Variants in CABP1 observed in about 807,000 individuals in gnomAD.
CABP1 encodes calcium binding protein 1.
Under a neutral mutation model 34.3 loss-of-function variants are expected in CABP1, and 17 were observed. That is an observed-to-expected ratio of 0.50 (90% CI 0.34 to 0.74). The LOEUF (loss-of-function observed/expected upper bound fraction) is 0.74, where lower values mean the gene tolerates loss of function less well. Among genes scored for constraint, CABP1 ranks in the 30% least tolerant of loss-of-function variants. CABP1 has a pLI of 0.01. For synonymous variants in CABP1, 198 were observed against 229.2 expected (o/e 0.86, Z 1.23); for missense variants, 373 against 511.1 (o/e 0.73, Z 2.61).
At chr12:120,662,250 A>G (rs1880697083) in intron 5 of CABP1, 1 of 152,264 alleles carries the variant, frequency 6.6e-6, no homozygotes, top group Non-Finnish European at 1.5e-5. Flanking sequence ...CCCAGCCACA[A>G]CTCAACAGTC....
intron 1 of CABP1, among the ~76,000 whole-genome samples, chr12:120,645,658 A>G (rs1879511331): frequency 6.6e-6 from 1 of 152,058 alleles, no homozygotes; most frequent in Admixed American, 6.5e-5. Flanking sequence ...AGTGAGACCC[A>G]TCTCTACTAA....
At chr12:120,642,516 G>T in intron 1 of CABP1, among the ~76,000 whole-genome samples, 1 of 152,232 alleles carries the variant, frequency 6.6e-6, no homozygotes, top group Non-Finnish European at 1.5e-5. Context: ...GTGCTGCTGT[G>T]GTGGGGCCAT....
intron 1 of CABP1, among the ~76,000 whole-genome samples, chr12:120,652,392 T>C (rs76841017): frequency 0.016 from 2,500 of 151,718 alleles, 33 homozygotes; most frequent in Non-Finnish European, 0.026. Flanking sequence ...ATCTGCAACA[T>C]ACCTAATGTC....
In CABP1 at chr12:120,661,141, A is replaced by G; in HGVS notation, c.1010A>G (p.His337Arg). 6.2e-7 allele frequency: 1 copy of G among 1,613,730 alleles called. No individual in the cohort carries two copies. Among genetic ancestry groups the G allele is most frequent in the Non-Finnish European group, 8.5e-7 (1 of 1,179,984 alleles). ...LREAMRKLLG[H>R]QVGHRDIEEI... ...GAGGCTATGAGGAAGCTCCTGGGTC[A>G]TCAGGTGGGACACCGAGACATAGAG... Residue 337 changes from histidine (H) to arginine (R), a missense_variant, in exon 5 of 6, where the codon CAT (histidine) becomes CGT (arginine). Physicochemically the swap from His to Arg is conservative, Grantham distance 29 (BLOSUM62 0). Transcript: ENST00000316803. The surrounding 1 kb of genome is among the most constrained non-coding windows in gnomAD (Gnocchi z 5.1).
chr12:120,661,726 CATCT>C lies in CABP1; in HGVS notation c.1087+510_1087+513del, dbSNP rs1452279942. The C allele has an allele frequency of 6.4e-6, 1 of 157,062 alleles. No individual in the cohort carries two copies. Among genetic ancestry groups the C allele is most frequent in the African/African-American group, 2.4e-5 (1 of 41,484 alleles). The allele number at this position is 157,062 out of a possible 1,614,324, so 9.7% of individuals were successfully genotyped here. A position where few individuals can be genotyped will look rare whatever the true frequency, so the allele number is the denominator to read the frequency against. On this transcript the variant is annotated intron_variant, in intron 5 of 5. Coordinates refer to ENST00000316803, the MANE Select transcript of CABP1 (RefSeq NM_001033677.2). The surrounding 1 kb of genome is among the most constrained non-coding windows in gnomAD (Gnocchi z 5.1). ...CTATCCATCCATCTGTCCATCCATT[CATCT>C]ACCTATTCATCTATCTGTCCATCTT...
Position 120,641,345 on chromosome 12 carries a change from GGCCGC to G in CABP1, c.654+10_654+14del. On this transcript the variant is annotated splice_region_variant and intron_variant, in intron 1 of 5. Transcript: ENST00000316803. The surrounding 1 kb of genome is among the most constrained non-coding windows in gnomAD (Gnocchi z 6.7). ...TCAGCTCCGCCTTTGGCCAGGTAAG[GGCCGC>G]GCCTCCCGTCAGCGCTCCCGGGAAA... 7.8e-7 allele frequency: 1 copy of G among 1,282,378 alleles called. No individual in the cohort carries two copies. The highest frequency in any genetic ancestry group is 2.5e-5 in the South Asian group (1 of 40,038). The allele number at this position is 1,282,378 out of a possible 1,614,324, so 79.4% of individuals were successfully genotyped here.
chr12:120,653,990 T>A (rs1880008324), intron 1 of CABP1, among the ~76,000 whole-genome samples: 1 of 152,200 alleles, frequency 6.6e-6, no homozygotes, highest in South Asian at 2.1e-4. Flanking sequence ...CACTGTTATC[T>A]CAGGCATGCT....
At chr12:120,678,841 G>C in the CABP1 span, among the ~76,000 whole-genome samples, 29 of 21,680 alleles carry the variant, frequency 1.3e-3, no homozygotes, top group African/African-American at 3.8e-3. Flanking sequence ...GGATGCTGAG[G>C]GGGGGGCAGA....
Position 120,640,731 on chromosome 12 carries a change from G to A in CABP1, c.46G>A (p.Ala16Thr), listed in dbSNP as rs1426001011. The A allele has an allele frequency of 8.5e-7, 1 of 1,182,516 alleles. No individual in the cohort carries two copies. The highest frequency in any genetic ancestry group is 3.9e-5 in the South Asian group (1 of 25,396). 73.3% of individuals were successfully genotyped at this position (1,182,516 alleles called of 1,614,324 possible). A position where few individuals can be genotyped will look rare whatever the true frequency, so the allele number is the denominator to read the frequency against. The change falls in exon 1 of 6, where the codon GCC (alanine) becomes ACC (threonine). Residue 16 changes from alanine (A) to threonine (T), a missense_variant. Transcript: ENST00000316803. This position sits in a 1 kb window ranked among gnomAD's most constrained non-coding sequence, Gnocchi z 6.2. ...GAAFKRPGDG[A>T]RLQRVLGLGS... ...CGCATTTAAGCGGCCGGGGGACGGC[G>A]CCCGCCTCCAGCGCGTCCTCGGGCT...
rs780072226 is a variant in CABP1 at position 120,659,952 on chromosome 12, G to C, written c.685+44G>C. 9.5e-6 allele frequency: 15 copies of C among 1,580,044 alleles called. No individual in the cohort carries two copies. In the South Asian group the frequency reaches 1.1e-4, roughly 12 times the overall value. On this transcript the variant is annotated intron_variant, in intron 2 of 5. Coordinates refer to ENST00000316803, the MANE Select transcript of CABP1 (RefSeq NM_001033677.2). ...GGGGAAAGGACTGCCTAGCCCTCTA[G>C]GAAGGTGTGGGAAGGGAGGTTGATG...
chr12:120,661,511 C>CG lies in CABP1; in HGVS notation c.1087+293_1087+294insG. The stretch of plus-strand genomic sequence containing the variant: ...ATCCATCTGTCCACCATCCATCCAT[C>CG]CATCCATTTATCTACCCATCTATCC... On this transcript the variant is annotated intron_variant, in intron 5 of 5. Transcript: ENST00000316803. The surrounding 1 kb of genome is among the most constrained non-coding windows in gnomAD (Gnocchi z 5.1). The CG allele has an allele frequency of 3.0e-6, 1 of 332,926 alleles. No individual in the cohort carries two copies. Among genetic ancestry groups the CG allele is most frequent in the Non-Finnish European group, 5.6e-6 (1 of 179,874 alleles). The allele number at this position is 332,926 out of a possible 1,614,324, so 20.6% of individuals were successfully genotyped here.
chr12:120,670,456 CTT>C (rs143895428), downstream of CABP1, among the ~76,000 whole-genome samples: 6,206 of 152,212 alleles, frequency 0.041, 179 homozygotes, highest in South Asian at 0.11. Context: ...TAGAAAAGCT[CTT>C]TGTCTAAGGC....
At chr12:120,666,822 TG>T in intron 5 of CABP1, 52 bp from the exon 6 acceptor site, 1 of 1,571,538 alleles carries the variant, frequency 6.4e-7, no homozygotes. Flanking sequence ...GGCAGCAACC[TG>T]GGGAGGCCTC....
At chr12:120,665,072 T>C (rs1271899123) in intron 5 of CABP1, among the ~76,000 whole-genome samples, 1 of 150,424 alleles carries the variant, frequency 6.6e-6, no homozygotes, top group Non-Finnish European at 1.5e-5. Context: ...GTGCAAGGGG[T>C]TGGGGGGAGG....
intron 1 of CABP1, chr12:120,655,471 C>G: frequency 9.9e-7 from 1 of 1,005,346 alleles, no homozygotes; most frequent in East Asian, 7.5e-5. Flanking sequence ...TTGCCCCAGT[C>G]CCCACCTCTC....
chr12:120,649,059 C>T (rs1879682760), intron 1 of CABP1, among the ~76,000 whole-genome samples: 1 of 151,958 alleles, frequency 6.6e-6, no homozygotes, highest in East Asian at 1.9e-4. Flanking sequence ...CCCCAGGCTC[C>T]TCCTCCTCCA....
downstream of CABP1, among the ~76,000 whole-genome samples, chr12:120,671,243 A>G (rs1476273500): frequency 6.6e-6 from 1 of 152,102 alleles, no homozygotes; most frequent in African/African-American, 2.4e-5. Flanking sequence ...CGTCTCTACT[A>G]AAAATACAAA....
downstream of CABP1, among the ~76,000 whole-genome samples, chr12:120,672,202 G>A (rs1388740204): frequency 6.6e-6 from 1 of 152,074 alleles, no homozygotes; most frequent in Non-Finnish European, 1.5e-5. Flanking sequence ...CCAGCAATTT[G>A]CAAAAAATCC....
intron 1 of CABP1, among the ~76,000 whole-genome samples, chr12:120,648,320 T>A (rs997050174): frequency 2.0e-5 from 3 of 152,154 alleles, no homozygotes; most frequent in Admixed American, 6.5e-5. Context: ...CTCTAATATC[T>A]CCTGCCCACC....
Sources: gnomAD v4.1 joint callset for allele counts (sites outside exome capture counted in the v4.1 genomes callset) on GRCh38, gnomAD v4.1.1 for gene constraint, Gnocchi (gnomAD v3.1) non-coding constraint, MANE v1.5 for transcripts, NCBI Gene and HGNC (gene_info 2026-07-23, HGNC 2026-07-21) for gene names.